Variants in CSMD1 observed in about 807,000 individuals in gnomAD.
CSMD1 encodes CUB and sushi domain-containing protein 1.
In CSMD1, 213 loss-of-function variants were observed where a neutral mutation model predicts 417.5. That is an observed-to-expected ratio of 0.51 (90% CI 0.46 to 0.57). CSMD1 has a LOEUF of 0.57. Ranked by LOEUF, CSMD1 falls within the 20% of genes least tolerant of loss-of-function variation. The pLI is 0.00. For synonymous variants in CSMD1, 2,862 were observed against 1,736.8 expected (o/e 1.65, Z -16.11); for missense variants, 6,923 against 4,529.7 (o/e 1.53, Z -15.17).
rs191205640 is a variant in CSMD1 at position 3,312,702 on chromosome 8, C to T, written c.3632-4199G>A. 4.6e-3 allele frequency among the ~76,000 whole-genome samples: 696 copies of T among 152,288 alleles called. 1 individual carries two copies. Among genetic ancestry groups the T allele is most frequent in the Non-Finnish European group, 7.1e-3 (485 of 68,028 alleles). Reference sequence around the variant, plus strand: ...AGCTTCTACTTCGTGTCACTTGCGCCGTGAACCAGCTTAGTCGCCTGCTAG... The same window carrying T: ...AGCTTCTACTTCGTGTCACTTGCGCTGTGAACCAGCTTAGTCGCCTGCTAG... On this transcript the variant is annotated intron_variant, in intron 23 of 69. Coordinates refer to ENST00000635120, the MANE Select transcript of CSMD1 (RefSeq NM_033225.6).
At chr8:4,112,693 G>C (rs1801921005) in intron 3 of CSMD1, among the ~76,000 whole-genome samples, 1 of 152,184 alleles carries the variant, frequency 6.6e-6, no homozygotes, top group Non-Finnish European at 1.5e-5. Flanking sequence ...ATTTATATAT[G>C]AGGGTTTGCA....
intron 3 of CSMD1, among the ~76,000 whole-genome samples, chr8:4,371,301 C>A (rs1325028842): frequency 6.6e-6 from 1 of 152,062 alleles, no homozygotes; most frequent in African/African-American, 2.4e-5. Context: ...GCTGGAGAGG[C>A]CAAGATACTC....
chr8:2,999,927 C>T (rs995514431), intron 53 of CSMD1, 31 bp downstream of exon 53: 4 of 1,571,692 alleles, frequency 2.5e-6, no homozygotes, highest in Non-Finnish European at 1.7e-6. Flanking sequence ...AAGGAAGCAT[C>T]GATGAATTCG....
intron 2 of CSMD1, among the ~76,000 whole-genome samples, chr8:4,463,677 C>T (rs930304092): frequency 2.0e-5 from 3 of 152,134 alleles, no homozygotes; most frequent in Admixed American, 1.3e-4. Context: ...ATTGCACTTA[C>T]ATTAAATGTC....
intron 5 of CSMD1, among the ~76,000 whole-genome samples, chr8:3,944,429 A>C (rs570536443): frequency 6.7e-4 from 102 of 152,246 alleles, no homozygotes; most frequent in Non-Finnish European, 1.1e-3. Flanking sequence ...TTCATATTCA[A>C]CTGATAAAAT....
chr8:4,808,658 T>A (rs957851757), intron 1 of CSMD1, among the ~76,000 whole-genome samples: 2 of 152,146 alleles, frequency 1.3e-5, no homozygotes, highest in African/African-American at 4.8e-5. Context: ...CTTTGGACAA[T>A]CGGTTTCAAC....
At chr8:4,617,819 T>G (rs1801560784) in intron 2 of CSMD1, among the ~76,000 whole-genome samples, 1 of 152,148 alleles carries the variant, frequency 6.6e-6, no homozygotes, top group Non-Finnish European at 1.5e-5. Flanking sequence ...ATCTCCCTCC[T>G]CCATGAGTAT....
intron 57 of CSMD1, among the ~76,000 whole-genome samples, chr8:2,971,899 T>A (rs573201425): frequency 2.6e-5 from 4 of 152,310 alleles, no homozygotes; most frequent in African/African-American, 9.6e-5. Flanking sequence ...ACTACTTTGA[T>A]TGTCAAGAGG....
At position 3,879,508 on chromosome 8, in the gene CSMD1, G is replaced by C. The variant is rs571270141; in HGVS notation, c.818+118395C>G. Among the ~76,000 whole-genome samples the C allele has an allele frequency of 6.6e-5, 10 of 152,290 alleles. No homozygotes were observed. The East Asian group carries it at 7.7e-4, about 12-fold the overall frequency. Reference sequence around the variant, plus strand: ...TGGGACAGAGACCAAGTTACCGTGAGAGCAAGGAAGATGTAGCTCCTCCCC... The same window carrying C: ...TGGGACAGAGACCAAGTTACCGTGACAGCAAGGAAGATGTAGCTCCTCCCC... On this transcript the variant is annotated intron_variant, in intron 5 of 69. Coordinates refer to ENST00000635120, the MANE Select transcript of CSMD1 (RefSeq NM_033225.6).
At chr8:4,363,363 C>A (rs1329219385) in intron 3 of CSMD1, among the ~76,000 whole-genome samples, 21 of 152,152 alleles carry the variant, frequency 1.4e-4, no homozygotes, top group Admixed American at 1.4e-3. Flanking sequence ...TATGTGTATG[C>A]ATGTGCGTGC....
intron 39 of CSMD1, among the ~76,000 whole-genome samples, chr8:3,156,165 C>T (rs1047364857): frequency 6.6e-6 from 1 of 152,160 alleles, no homozygotes; most frequent in South Asian, 2.1e-4. Context: ...AATGTTCATC[C>T]ATATAGAGTT....
At chr8:3,450,018 A>T (rs1003716493) in intron 12 of CSMD1, among the ~76,000 whole-genome samples, 1 of 152,170 alleles carries the variant, frequency 6.6e-6, no homozygotes, top group African/African-American at 2.4e-5. Context: ...GCTCCTCCTC[A>T]TCGATGTGGT....
intron 3 of CSMD1, among the ~76,000 whole-genome samples, chr8:4,041,102 C>A (rs7831438): frequency 6.7e-6 from 1 of 148,680 alleles, no homozygotes; most frequent in Non-Finnish European, 1.5e-5. Context: ...CTGCAAGCTC[C>A]GCCTCCCGGG....
chr8:3,564,722 AG>A (rs1364637131), intron 10 of CSMD1, among the ~76,000 whole-genome samples: 1 of 150,254 alleles, frequency 6.7e-6, no homozygotes, highest in Non-Finnish European at 1.5e-5. Flanking sequence ...CCCTTGTGGC[AG>A]AAAAACCAAC....
intron 1 of CSMD1, among the ~76,000 whole-genome samples, chr8:4,926,226 T>G (rs1340485416): frequency 6.6e-6 from 1 of 152,348 alleles, no homozygotes; most frequent in African/African-American, 2.4e-5. Context: ...GCTATTACAT[T>G]TATTTTTTCT....
chr8:4,631,281 G>A (rs749566900), intron 2 of CSMD1, among the ~76,000 whole-genome samples: 7 of 152,140 alleles, frequency 4.6e-5, no homozygotes, highest in Non-Finnish European at 8.8e-5. Context: ...AGAATCGCTG[G>A]AACCTGGGAG....
intron 3 of CSMD1, among the ~76,000 whole-genome samples, chr8:4,085,906 C>G (rs62501306): frequency 1.0e-3 from 153 of 152,128 alleles, no homozygotes; most frequent in Non-Finnish European, 1.7e-3. Flanking sequence ...TGAGATGTTA[C>G]CATTGCGTAA....
At chr8:4,260,274 GTTTGTA>G (rs1331541235) in intron 3 of CSMD1, among the ~76,000 whole-genome samples, 2 of 152,080 alleles carry the variant, frequency 1.3e-5, no homozygotes, top group Non-Finnish European at 2.9e-5. Flanking sequence ...TGAAATTAAT[GTTTGTA>G]TTTGTTCATT....
intron 1 of CSMD1, among the ~76,000 whole-genome samples, chr8:4,712,379 C>T (rs1336722978): frequency 1.3e-5 from 2 of 152,162 alleles, no homozygotes; most frequent in African/African-American, 4.8e-5. Context: ...ACACACAGAA[C>T]TGTCTAATAA....
Sources: allele counts gnomAD v4.1 joint callset (sites outside exome capture counted in the v4.1 genomes callset), GRCh38; gene constraint gnomAD v4.1.1; transcripts MANE v1.5; gene names NCBI Gene and HGNC (gene_info 2026-07-23, HGNC 2026-07-21).